Variants in UBR3 observed in about 807,000 individuals in gnomAD.
UBR3 encodes E3 ubiquitin-protein ligase UBR3.
A neutral mutation model predicts 243.2 loss-of-function variants in UBR3; 85 were observed. The observed-to-expected ratio is 0.35, with a 90% CI of 0.29 to 0.42. UBR3 has a LOEUF of 0.42. Ranked by LOEUF, UBR3 falls within the 10% of genes least tolerant of loss-of-function variation. The pLI is 1.00. For missense variants in UBR3, 1,686 were observed against 2,300.8 expected (o/e 0.73, Z 5.47); for synonymous variants, 748 against 799.8 (o/e 0.94, Z 1.09).
chr2:169,898,368 C>T (rs945414487), intron 8 of UBR3, among the ~76,000 whole-genome samples: 3 of 152,202 alleles, frequency 2.0e-5, no homozygotes, highest in African/African-American at 7.2e-5. Context: ...ATTATGATAG[C>T]TACCATCTCT....
At chr2:170,001,166 A>G in intron 26 of UBR3, 138 bp from the exon 27 acceptor site, 6 of 620,412 alleles carry the variant, frequency 9.7e-6, no homozygotes, top group Non-Finnish European at 1.6e-5. Context: ...TCAGGCATTA[A>G]TTGATATCAC....
intron 11 of UBR3, among the ~76,000 whole-genome samples, chr2:169,921,051 TA>T (rs1421146659): frequency 1.3e-5 from 2 of 152,154 alleles, no homozygotes; most frequent in Non-Finnish European, 2.9e-5. Context: ...AAGAGATACT[TA>T]AAAAATAAGT....
intron 24 of UBR3, among the ~76,000 whole-genome samples, chr2:169,962,799 AAACT>A (rs2087639774): frequency 6.6e-6 from 1 of 152,084 alleles, no homozygotes; most frequent in Admixed American, 6.6e-5. Flanking sequence ...ATTGCTTGAA[AAACT>A]TATGTTAGTC....
rs374940637 is a variant in UBR3, at chr2:169,924,108, T to C, written c.1957T>C (p.Leu653=). Reference sequence around the variant, plus strand: ...GGCTGTGAAATGTCAAGAACTAGATTTGGATTCTGTTTTACCAGATCAGGA... The same window carrying C: ...GGCTGTGAAATGTCAAGAACTAGATCTGGATTCTGTTTTACCAGATCAGGA... ...SKAVKCQELD[L]DSVLPDQEML... Residue 653 remains leucine, a synonymous_variant, in exon 13 of 39, where the codon TTG becomes CTG. Transcript: ENST00000272793. The C allele has an allele frequency of 1.9e-6, 3 of 1,546,344 alleles. No homozygotes were observed. Among genetic ancestry groups the C allele is most frequent in the East Asian group, 2.5e-5 (1 of 40,768 alleles).
chr2:170,020,791 G>A (rs2090369472), intron 30 of UBR3, among the ~76,000 whole-genome samples: 1 of 151,988 alleles, frequency 6.6e-6, no homozygotes, highest in Non-Finnish European at 1.5e-5. Context: ...GAAGATTTTG[G>A]TATTTTGTTT....
At chr2:169,886,925 CAT>C (rs2084124399) in intron 5 of UBR3, among the ~76,000 whole-genome samples, 1 of 152,136 alleles carries the variant, frequency 6.6e-6, no homozygotes, top group South Asian at 2.1e-4. Context: ...TGTAAGGTGA[CAT>C]ATTAAATATT....
chr2:169,947,088 A>C (rs2086814917), intron 21 of UBR3, among the ~76,000 whole-genome samples: 1 of 152,146 alleles, frequency 6.6e-6, no homozygotes, highest in South Asian at 2.1e-4. Flanking sequence ...ACCACTTTGT[A>C]GTTCTTTGTA....
chr2:169,856,426 G>C (rs1220161970), intron 1 of UBR3, among the ~76,000 whole-genome samples: 1 of 152,168 alleles, frequency 6.6e-6, no homozygotes, highest in African/African-American at 2.4e-5. Flanking sequence ...CTTCTTAGAC[G>C]GGGTGGCGGC....
chr2:169,865,204 G>A (rs2083218127), intron 1 of UBR3, among the ~76,000 whole-genome samples: 1 of 151,966 alleles, frequency 6.6e-6, no homozygotes, highest in South Asian at 2.1e-4. Flanking sequence ...TAAGAGACAG[G>A]GTCATGCTAT....
chr2:169,940,287 C>G (rs73015783), intron 19 of UBR3, among the ~76,000 whole-genome samples: 6,566 of 152,074 alleles, frequency 0.043, 161 homozygotes, highest in Middle Eastern at 0.068. Context: ...CTTCTAAGTA[C>G]TACTTTAGTT....
At chr2:170,045,423 C>A (rs2091059810) in intron 32 of UBR3, among the ~76,000 whole-genome samples, 1 of 152,096 alleles carries the variant, frequency 6.6e-6, no homozygotes, top group South Asian at 2.1e-4. Context: ...AGGTTTGGAT[C>A]ATGTTGCTGT....
intron 5 of UBR3, among the ~76,000 whole-genome samples, chr2:169,890,553 A>ATATATGTGTG (rs2084309050): frequency 1.0e-5 from 1 of 96,418 alleles, no homozygotes; most frequent in African/African-American, 5.3e-5. Context: ...ATATATATAT[A>ATATATGTGTG]TATATATATA....
intron 30 of UBR3, among the ~76,000 whole-genome samples, chr2:170,024,720 T>G (rs1407531738): frequency 6.6e-6 from 1 of 152,192 alleles, no homozygotes; most frequent in East Asian, 1.9e-4. Context: ...TAATTAAGTC[T>G]TAGATTTTCC....
intron 11 of UBR3, among the ~76,000 whole-genome samples, chr2:169,922,314 G>A (rs1308251884): frequency 6.6e-6 from 1 of 150,928 alleles, no homozygotes; most frequent in Non-Finnish European, 1.5e-5. Context: ...AAAAGAGTCT[G>A]CACTTATCCA....
intron 35 of UBR3, among the ~76,000 whole-genome samples, chr2:170,063,001 G>C (rs1479216382): frequency 6.6e-6 from 1 of 152,180 alleles, no homozygotes; most frequent in African/African-American, 2.4e-5. Context: ...TTGGACCATT[G>C]AAAGATGTTA....
At chr2:169,934,075 G>T (rs1365301188) in intron 19 of UBR3, among the ~76,000 whole-genome samples, 1 of 152,018 alleles carries the variant, frequency 6.6e-6, no homozygotes, top group Non-Finnish European at 1.5e-5. Context: ...CTCCTTGAGG[G>T]AATATATTTT....
intron 36 of UBR3, among the ~76,000 whole-genome samples, chr2:170,074,973 T>C (rs925403243): frequency 3.9e-5 from 6 of 152,112 alleles, no homozygotes; most frequent in African/African-American, 1.4e-4. Context: ...AAATAGAACG[T>C]ATTAAAGGGG....
At chr2:169,961,872 A>G (rs1279275414) in intron 24 of UBR3, among the ~76,000 whole-genome samples, 8 of 94,296 alleles carry the variant, frequency 8.5e-5, no homozygotes, top group Non-Finnish European at 1.7e-4. Flanking sequence ...ATTTTTTCCC[A>G]TGTTTTTTTT....
intron 5 of UBR3, among the ~76,000 whole-genome samples, chr2:169,879,309 T>G (rs2083734361): frequency 6.6e-6 from 1 of 152,126 alleles, no homozygotes; most frequent in Non-Finnish European, 1.5e-5. Flanking sequence ...GATAATGTAA[T>G]GTGAATTAAG....
Sources: gnomAD v4.1 joint callset for allele counts (sites outside exome capture counted in the v4.1 genomes callset) on GRCh38, gnomAD v4.1.1 for gene constraint, MANE v1.5 for transcripts, NCBI Gene and HGNC (gene_info 2026-07-23, HGNC 2026-07-21) for gene names.